Variants in TUB observed in about 807,000 individuals in gnomAD.
TUB encodes the protein tubby protein homolog.
TUB carries 33 observed loss-of-function variants against 59.7 expected under a neutral mutation model. The observed-to-expected ratio is 0.55, with a 90% CI of 0.42 to 0.74. The LOEUF (loss-of-function observed/expected upper bound fraction) is 0.74, where lower values mean the gene tolerates loss of function less well. Ranked by LOEUF, TUB falls within the 30% of genes least tolerant of loss-of-function variation. The pLI, the probability that TUB is intolerant of heterozygous loss-of-function variation, is 0.00. For synonymous variants in TUB, 293 were observed against 256.4 expected (o/e 1.14, Z -1.36); for missense variants, 659 against 672.0 (o/e 0.98, Z 0.21).
chr11:8,072,189 G>T (rs2133797716), intron 2 of TUB, among the ~76,000 whole-genome samples: 1 of 152,152 alleles, frequency 6.6e-6, no homozygotes, highest in Non-Finnish European at 1.5e-5. Flanking sequence ...GGCGGGTACT[G>T]CCCCACAGCC....
At chr11:8,098,715 G>C in intron 8 of TUB, 43 bp from the exon 9 acceptor site, 4 of 1,440,744 alleles carry the variant, frequency 2.8e-6, no homozygotes, top group Non-Finnish European at 3.9e-6. Context: ...CTGCTCTGGG[G>C]CAGAGGGTGC....
At chr11:8,069,044 C>T (rs894135223) in intron 2 of TUB, 3 of 152,150 alleles carry the variant, frequency 2.0e-5, no homozygotes, top group African/African-American at 7.2e-5. Flanking sequence ...CAGGAAGGGC[C>T]GCTGCAGGTC....
chr11:8,092,597 T>C (rs916918183), intron 3 of TUB, among the ~76,000 whole-genome samples: 2 of 152,110 alleles, frequency 1.3e-5, no homozygotes, highest in African/African-American at 4.8e-5. Flanking sequence ...TGCTATTCCC[T>C]GACATTCCAG....
intron 2 of TUB, among the ~76,000 whole-genome samples, chr11:8,070,490 A>G (rs1044383935): frequency 6.6e-6 from 1 of 152,142 alleles, no homozygotes; most frequent in East Asian, 1.9e-4. Context: ...ACTTTACTCA[A>G]CTTTCTGATT....
rs1273388043 is a variant in TUB at position 8,081,217 on chromosome 11, G to T, written c.-294G>T. 3 of 250,632 alleles carry T rather than the reference G, an allele frequency of 1.2e-5. No homozygotes were observed. The South Asian group carries it at 4.4e-4, about 37-fold the overall frequency. The allele number at this position is 250,632 out of a possible 1,614,324, so 15.5% of individuals were successfully genotyped here. A position where few individuals can be genotyped will look rare whatever the true frequency, so the allele number is the denominator to read the frequency against. On this transcript the variant is annotated 5_prime_UTR_variant, in exon 1 of 12. Transcript: ENST00000299506. ...GCCGCCGCTGCCACGCAGTACTCCC[G>T]CCTTGGCGCCAGAGGGGCGCGGGAC...
chr11:8,092,479 C>T (rs180870221), intron 3 of TUB, among the ~76,000 whole-genome samples: 1 of 152,262 alleles, frequency 6.6e-6, no homozygotes, highest in Admixed American at 6.5e-5. Flanking sequence ...AAGCCATTTA[C>T]CCTCTCTGGA....
chr11:8,059,212 T>G (rs1330680121), intron 2 of TUB, among the ~76,000 whole-genome samples: 1 of 151,978 alleles, frequency 6.6e-6, no homozygotes, highest in Non-Finnish European at 1.5e-5. Context: ...GGGGTCCCGT[T>G]CATTGGTCCC....
chr11:8,103,341 A>AG lies in TUB; in HGVS notation c.*1726dup, dbSNP rs1307466964. 2 of 152,238 alleles carry AG rather than the reference A, an allele frequency of 1.3e-5. No homozygotes were observed. Among genetic ancestry groups the AG allele is most frequent in the Non-Finnish European group, 2.9e-5 (2 of 68,034 alleles). 9.4% of individuals were successfully genotyped at this position (152,238 alleles called of 1,614,324 possible). On this transcript the variant is annotated 3_prime_UTR_variant, in exon 12 of 12. Transcript: ENST00000299506. ...GATCTGAAATTGGTGGGAAGCAAGC[A>AG]GGGGTCGTACCTTGCTTTAGAGTAG... is the stretch of plus-strand genomic sequence containing the variant.
chr11:8,058,510 C>T (rs933640954), intron 2 of TUB, among the ~76,000 whole-genome samples: 4 of 152,120 alleles, frequency 2.6e-5, no homozygotes, highest in African/African-American at 9.7e-5. Context: ...ATTGTCTAGA[C>T]CTGAGAAAGT....
chr11:8,089,934 C>T lies in TUB; in HGVS notation c.91-135C>T. On this transcript the variant is annotated intron_variant, in intron 2 of 11. Transcript: ENST00000299506. ...GCCACCTGGGCCCTGTTTTGCCTCCCTTTCCTGGACCCCAAGTGTTGGGGT... is the reference window on the plus strand; with the variant it reads ...GCCACCTGGGCCCTGTTTTGCCTCCTTTTCCTGGACCCCAAGTGTTGGGGT... 1.4e-5 allele frequency: 19 copies of T among 1,346,288 alleles called. No individual in the cohort carries two copies. The South Asian group carries it at 2.9e-4, about 21-fold the overall frequency. The allele number at this position is 1,346,288 out of a possible 1,614,324, so 83.4% of individuals were successfully genotyped here. A position where few individuals can be genotyped will look rare whatever the true frequency, so the allele number is the denominator to read the frequency against.
At chr11:8,061,211 T>C (rs922078149) in intron 2 of TUB, among the ~76,000 whole-genome samples, 1 of 152,244 alleles carries the variant, frequency 6.6e-6, no homozygotes, top group Admixed American at 6.5e-5. Context: ...GGGCCTGGCA[T>C]CAGCGACGAT....
rs1277689578 is a variant in TUB, at chr11:8,097,834, C to T, written c.998+8C>T. On this transcript the variant is annotated splice_region_variant and intron_variant, in intron 8 of 11. Transcript: ENST00000299506. ...CTATATCGGGAAACTGCGGTACTAGCATTCCCCCAGGAAGCAGGCGGGAGT... is the reference window on the plus strand; with the variant it reads ...CTATATCGGGAAACTGCGGTACTAGTATTCCCCCAGGAAGCAGGCGGGAGT... 1 of 1,604,966 alleles carries T rather than the reference C, an allele frequency of 6.2e-7. No individual in the cohort carries two copies. Among genetic ancestry groups the T allele is most frequent in the South Asian group, 1.1e-5 (1 of 90,686 alleles).
Position 8,049,221 on chromosome 11 carries a change from A to T in TUB, c.203+9529A>T, listed in dbSNP as rs573564608. 7.2e-4 allele frequency among the ~76,000 whole-genome samples: 110 copies of T among 152,054 alleles called. 1 individual carries two copies. The highest frequency in any genetic ancestry group is 2.6e-3 in the African/African-American group (107 of 41,362). On this transcript the variant is annotated intron_variant, in intron 2 of 12. Transcript: ENST00000305253. ...TCATTTCACAGCCTAACCCAAGGGG[A>T]CTTTCAGTGCCCCAGGCAGGTTTTC...
intron 1 of TUB, chr11:8,039,149 CT>C (rs1311699298): frequency 2.9e-5 from 37 of 1,276,132 alleles, no homozygotes; most frequent in Non-Finnish European, 3.8e-5. Flanking sequence ...GATGGTGCTG[CT>C]CCCCTATCAC....
At chr11:8,090,015 A>T (rs1943740714) in intron 2 of TUB, 54 bp from the exon 3 acceptor site, 1 of 1,515,242 alleles carries the variant, frequency 6.6e-7, no homozygotes, top group African/African-American at 1.4e-5. Flanking sequence ...GATAACTGGG[A>T]GCCCGCCCTT....
intron 1 of TUB, among the ~76,000 whole-genome samples, chr11:8,023,957 A>C (rs887688202): frequency 3.3e-5 from 5 of 152,180 alleles, no homozygotes; most frequent in Non-Finnish European, 7.4e-5. Context: ...TTCCCATTCT[A>C]GACCCTTCTC....
chr11:8,055,342 G>A (rs531002997), intron 2 of TUB, among the ~76,000 whole-genome samples: 3 of 152,298 alleles, frequency 2.0e-5, no homozygotes, highest in South Asian at 2.1e-4. Flanking sequence ...CTGGATTATC[G>A]CTGGGTGGCG....
At chr11:8,066,397 G>A (rs1168637622) in intron 2 of TUB, among the ~76,000 whole-genome samples, 1 of 152,214 alleles carries the variant, frequency 6.6e-6, no homozygotes, top group Non-Finnish European at 1.5e-5. Flanking sequence ...GCAGTCCAGA[G>A]GGAGCTGGCT....
intron 11 of TUB, 63 bp from the exon 12 acceptor site, chr11:8,101,423 C>A: frequency 1.2e-6 from 2 of 1,600,812 alleles, no homozygotes; most frequent in Non-Finnish European, 1.7e-6. Flanking sequence ...TCTGTCTATC[C>A]TTCCCTGGCT....
Sources: allele counts gnomAD v4.1 joint callset (sites outside exome capture counted in the v4.1 genomes callset), GRCh38; gene constraint gnomAD v4.1.1; transcripts MANE v1.5; gene names NCBI Gene and HGNC (gene_info 2026-07-23, HGNC 2026-07-21).